The following GAREM2 variants were observed in gnomAD, a reference collection of about 807,000 sequenced individuals.
GAREM2 encodes the protein GRB2 associated regulator of MAPK1 subtype 2.
GAREM2 carries 30 observed loss-of-function variants against 55.6 expected under a neutral mutation model. The observed-to-expected ratio is 0.54, with a 90% CI of 0.40 to 0.73. The LOEUF (loss-of-function observed/expected upper bound fraction) is 0.73. Among genes scored for constraint, GAREM2 ranks in the 30% least tolerant of loss-of-function variants. The pLI is 0.00. For synonymous variants in GAREM2, 550 were observed against 569.1 expected (o/e 0.97, Z 0.48); for missense variants, 1,075 against 1,257.7 (o/e 0.85, Z 2.20).
chr2:26,182,352 G>A, intron 2 of GAREM2: 1 of 1,514,912 alleles, frequency 6.6e-7, no homozygotes, highest in Non-Finnish European at 8.9e-7. Context: ...TTGGATATTG[G>A]ACCAGGGCAG....
In GAREM2 at chr2:26,187,906, A is replaced by G; in HGVS notation, c.2274A>G (p.Ser758=). The change falls in exon 6 of 6, where the codon TCA becomes TCG. Residue 758 remains serine, a synonymous_variant. Coordinates refer to ENST00000401533, the MANE Select transcript of GAREM2 (RefSeq NM_001168241.2). ...TGCACCAGGTCCCCACCCCACTGTC[A>G]CCAGCTGCTCTGCAGGGACCCGAGG... The part of the protein sequence containing the change: ...LVLHQVPTPL[S]PAALQGPEAG... 2 of 1,439,980 alleles carry G rather than the reference A, an allele frequency of 1.4e-6. No homozygotes were observed. Among genetic ancestry groups the G allele is most frequent in the Non-Finnish European group, 1.8e-6 (2 of 1,091,882 alleles). 89.2% of individuals were successfully genotyped at this position (1,439,980 alleles called of 1,614,324 possible).
intron 2 of GAREM2, among the ~76,000 whole-genome samples, chr2:26,177,494 A>G (rs909379699): frequency 6.6e-6 from 1 of 151,762 alleles, no homozygotes; most frequent in Non-Finnish European, 1.5e-5. Flanking sequence ...TGGCTTGCCC[A>G]GTGCCATGTT....
chr2:26,197,651 C>G, the GAREM2 span: 1 of 893,076 alleles, frequency 1.1e-6, no homozygotes. Context: ...GAATCTGAAG[C>G]AATAAAACAT....
chr2:26,184,629 G>C lies in GAREM2; in HGVS notation c.781G>C (p.Val261Leu). ...EHTVRAIIER[V>L]RLPVNVLVPS... is the part of the protein sequence containing the mutation. Reference sequence around the variant, plus strand: ...CACGGTGCGCGCCATCATCGAGCGCGTGAGGCTGCCGGTGAACGTGCTGGT... The same window carrying C: ...CACGGTGCGCGCCATCATCGAGCGCCTGAGGCTGCCGGTGAACGTGCTGGT... The change falls in exon 4 of 6, where the codon GTG (valine) becomes CTG (leucine). Residue 261 changes from valine to leucine, a missense_variant. Coordinates refer to ENST00000401533, the MANE Select transcript of GAREM2 (RefSeq NM_001168241.2). The C allele has an allele frequency of 1.3e-6, 2 of 1,547,534 alleles. No individual in the cohort carries two copies. The highest frequency in any genetic ancestry group is 2.4e-5 in the South Asian group (2 of 83,838).
At chr2:26,174,549 A>C (rs1185537123) in intron 1 of GAREM2, among the ~76,000 whole-genome samples, 1 of 152,236 alleles carries the variant, frequency 6.6e-6, no homozygotes, top group Non-Finnish European at 1.5e-5. Flanking sequence ...ATGGTCAGTC[A>C]GTTTATTGTC....
At chr2:26,175,532 G>A (rs867785544) in intron 1 of GAREM2, among the ~76,000 whole-genome samples, 1 of 152,166 alleles carries the variant, frequency 6.6e-6, no homozygotes, top group Admixed American at 6.5e-5. Flanking sequence ...TGGGGTTGGG[G>A]GTTTCTGGGG....
chr2:26,177,700 A>G (rs1668906861), intron 2 of GAREM2, among the ~76,000 whole-genome samples: 1 of 152,066 alleles, frequency 6.6e-6, no homozygotes, highest in African/African-American at 2.4e-5. Flanking sequence ...GAGAGGCGCC[A>G]TCTTGGCTCA....
At chr2:26,194,402 A>G (rs1301375281), downstream of GAREM2, among the ~76,000 whole-genome samples, 1 of 152,158 alleles carries the variant, frequency 6.6e-6, no homozygotes, top group Non-Finnish European at 1.5e-5. Context: ...AGTGCAGTAT[A>G]AGCCCAACTT....
downstream of GAREM2, chr2:26,194,531 G>A: frequency 8.2e-7 from 1 of 1,217,138 alleles, no homozygotes; most frequent in African/African-American, 1.5e-5. Context: ...GACTGAAGGA[G>A]TGGAAGATGC....
chr2:26,175,343 C>G (rs1221931679), intron 1 of GAREM2, among the ~76,000 whole-genome samples: 1 of 152,070 alleles, frequency 6.6e-6, no homozygotes, highest in African/African-American at 2.4e-5. Context: ...AGGCCCAGAC[C>G]CCTCCCAACT....
intron 2 of GAREM2, among the ~76,000 whole-genome samples, chr2:26,178,600 A>C (rs949767350): frequency 3.3e-5 from 5 of 152,194 alleles, no homozygotes; most frequent in African/African-American, 1.2e-4. Flanking sequence ...AAAATAAATA[A>C]AAATTAAAAA....
intron 2 of GAREM2, chr2:26,182,533 G>C (rs1406641576): frequency 1.2e-5 from 18 of 1,520,316 alleles, no homozygotes; most frequent in Non-Finnish European, 1.6e-5. Flanking sequence ...CCTCAGATGA[G>C]GACCCAGAGG....
chr2:26,191,039 A>C (rs1037202569), downstream of GAREM2: 5 of 637,486 alleles, frequency 7.8e-6, no homozygotes, highest in Non-Finnish European at 1.4e-5. Flanking sequence ...AGTGGGCTCT[A>C]CCTTCCAACA....
chr2:26,187,201 C>T, intron 5 of GAREM2, 30 bp from the exon 6 acceptor site: 6 of 1,434,922 alleles, frequency 4.2e-6, no homozygotes, highest in Non-Finnish European at 5.5e-6. Context: ...CTCACCTGTC[C>T]TATGTGTGTG....
At chr2:26,191,748 T>C, downstream of GAREM2, 1 of 995,846 alleles carries the variant, frequency 1.0e-6, no homozygotes, top group Admixed American at 1.8e-5. Flanking sequence ...CGGTTGGTGC[T>C]GGCCCTCAGA....
chr2:26,187,095 G>A, intron 5 of GAREM2, 136 bp from the exon 6 acceptor site: 1 of 1,271,408 alleles, frequency 7.9e-7, no homozygotes, highest in South Asian at 3.1e-5. Flanking sequence ...ATTCCGGAGG[G>A]TCTTGGGCTG....
In GAREM2 at chr2:26,184,288, C is replaced by A; in HGVS notation, c.440C>A (p.Ala147Glu). 1 of 1,550,966 alleles carries A rather than the reference C, an allele frequency of 6.4e-7. No individual in the cohort carries two copies. The highest frequency in any genetic ancestry group is 8.7e-7 in the Non-Finnish European group (1 of 1,146,764). Residue 147 changes from alanine (A) to glutamate (E), a missense_variant, in exon 4 of 6, where the codon GCG becomes GAG. Around this residue, in one of 6 missense-constraint regions of GAREM2, gnomAD observed 230 missense variants for 310.6 expected, o/e 0.74. Coordinates refer to ENST00000401533, the MANE Select transcript of GAREM2 (RefSeq NM_001168241.2). ...DSEVYNFTLHAGDELTLMGQA... is the reference protein window; with the variant it reads ...DSEVYNFTLHEGDELTLMGQA... Reference sequence around the variant, plus strand: ...GAGGTGTACAACTTCACGCTGCATGCGGGCGACGAGCTCACTCTTATGGGC... The same window carrying A: ...GAGGTGTACAACTTCACGCTGCATGAGGGCGACGAGCTCACTCTTATGGGC...
intron 3 of GAREM2, 55 bp downstream of exon 3, chr2:26,183,152 G>A (rs1421616895): frequency 5.1e-5 from 78 of 1,530,146 alleles, no homozygotes; most frequent in Non-Finnish European, 6.3e-5. Context: ...TGCCTCAGGG[G>A]CAACCCTGAC....
intron 1 of GAREM2, among the ~76,000 whole-genome samples, chr2:26,175,970 C>T (rs75167410): frequency 0.011 from 1,748 of 152,326 alleles, 43 homozygotes; most frequent in African/African-American, 0.038. Flanking sequence ...TCAAACTTGC[C>T]TAGTCTCTGG....
Sources: gnomAD v4.1 joint callset for allele counts (sites outside exome capture counted in the v4.1 genomes callset) on GRCh38, gnomAD v4.1.1 for gene constraint, gnomAD v4.1.1 regional missense constraint, MANE v1.5 for transcripts, NCBI Gene and HGNC (gene_info 2026-07-23, HGNC 2026-07-21) for gene names.